The following NEMF variants were observed in gnomAD, a reference collection of about 807,000 sequenced individuals.
NEMF encodes the protein nuclear export mediator factor.
Under a neutral mutation model 162.2 loss-of-function variants are expected in NEMF, and 89 were observed. That is an observed-to-expected ratio of 0.55 (90% confidence interval 0.46 to 0.65). NEMF has a LOEUF of 0.65. Among genes scored for constraint, NEMF ranks in the 30% least tolerant of loss-of-function variants. The pLI is 0.00. For missense variants in NEMF, 1,133 were observed against 1,261.9 expected (o/e 0.90, Z 1.55); for synonymous variants, 421 against 404.5 (o/e 1.04, Z -0.49).
At chr14:49,799,824 A>G in intron 23 of NEMF, 146 bp from the exon 24 acceptor site, 1 of 658,940 alleles carries the variant, frequency 1.5e-6, no homozygotes, top group Non-Finnish European at 2.7e-6. Context: ...CATACAACCA[A>G]ATTGCTCCTC....
chr14:49,832,130 T>C lies in NEMF; in HGVS notation c.807-4A>G, dbSNP rs770604426. The stretch of plus-strand genomic sequence containing the variant: ...GAAAGGATGAAATTCCTCATACCTG[T>C]AAAACATATTTATTATATCACATTC... On this transcript the variant is annotated splice_region_variant and splice_polypyrimidine_tract_variant and intron_variant, in intron 9 of 32. Transcript: ENST00000298310. The C allele has an allele frequency of 6.2e-7, 1 of 1,602,466 alleles. No homozygotes were observed. Among genetic ancestry groups the C allele is most frequent in the South Asian group, 1.1e-5 (1 of 89,084 alleles).
Position 49,800,710 on chromosome 14 carries a change from A to G in NEMF, c.2096-14T>C, listed in dbSNP as rs779815485. ...TGTCACCTCCATCTGTAGAATTATC[A>G]TAAGGAAAGTCAGTGTGGGACTACC... is the stretch of plus-strand genomic sequence containing the variant. On this transcript the variant is annotated splice_polypyrimidine_tract_variant and intron_variant, in intron 22 of 32. Coordinates refer to ENST00000298310, the MANE Select transcript of NEMF (RefSeq NM_004713.6). 8 of 1,606,150 alleles carry G rather than the reference A, an allele frequency of 5.0e-6. No individual in the cohort carries two copies. In the Admixed American group the frequency reaches 5.0e-5, roughly 10 times the overall value.
intron 4 of NEMF, among the ~76,000 whole-genome samples, chr14:49,845,471 A>C (rs1259168211): frequency 1.3e-5 from 2 of 152,192 alleles, no homozygotes; most frequent in Non-Finnish European, 2.9e-5. Flanking sequence ...TAATAAATTA[A>C]CCTTTGCTTC....
intron 5 of NEMF, 87 bp from the exon 6 acceptor site, chr14:49,838,293 G>T: frequency 9.8e-7 from 1 of 1,015,240 alleles, no homozygotes; most frequent in Non-Finnish European, 1.5e-6. Context: ...ATCTGTATCA[G>T]TTCACCTGAT....
intron 3 of NEMF, among the ~76,000 whole-genome samples, chr14:49,847,963 C>T (rs185109581): frequency 6.1e-5 from 9 of 148,260 alleles, no homozygotes; most frequent in Admixed American, 5.5e-4. Context: ...ACCCAAGAGG[C>T]GGAGGTTACA....
intron 19 of NEMF, among the ~76,000 whole-genome samples, chr14:49,804,252 C>A (rs1891085595): frequency 6.6e-6 from 1 of 151,990 alleles, no homozygotes; most frequent in African/African-American, 2.4e-5. Context: ...GATCTGCCCA[C>A]CTTGGCCTTC....
At position 49,825,954 on chromosome 14, in the gene NEMF, G is replaced by T; in HGVS notation, c.1490C>A (p.Ala497Glu). The change falls in exon 16 of 33, where the codon GCA becomes GAA. Residue 497 changes from alanine (A) to glutamate (E), a missense_variant and splice_region_variant. By Grantham distance (107) the Ala-to-Glu change is moderately radical. Coordinates refer to ENST00000298310, the MANE Select transcript of NEMF (RefSeq NM_004713.6). ...TQKTVEAAEK[A>E]FKSAEKKTKQ... The stretch of plus-strand genomic sequence containing the variant: ...TGTTTTCTTTTCTGCTGACTTGAAT[G>T]CCTATTTATAGAAAAGAGTTTTAAA... 1 of 1,595,152 alleles carries T rather than the reference G, an allele frequency of 6.3e-7. No homozygotes were observed. Among genetic ancestry groups the T allele is most frequent in the Non-Finnish European group, 8.6e-7 (1 of 1,164,572 alleles).
intron 19 of NEMF, among the ~76,000 whole-genome samples, chr14:49,804,153 C>T (rs1009299921): frequency 1.3e-5 from 2 of 151,262 alleles, no homozygotes; most frequent in Non-Finnish European, 2.9e-5. Context: ...TACAGGTGCG[C>T]ACCACCACGC....
chr14:49,848,134 T>G (rs753376368), intron 3 of NEMF, among the ~76,000 whole-genome samples: 12 of 151,930 alleles, frequency 7.9e-5, no homozygotes, highest in Admixed American at 1.3e-4. Context: ...CCCAAGTAGC[T>G]AGGATTACAA....
intron 16 of NEMF, among the ~76,000 whole-genome samples, chr14:49,824,610 T>C (rs1239838399): frequency 2.6e-5 from 4 of 152,020 alleles, no homozygotes; most frequent in Non-Finnish European, 5.9e-5. Context: ...ATTTTTTTTT[T>C]TAAGAGACGG....
intron 19 of NEMF, among the ~76,000 whole-genome samples, chr14:49,803,568 C>A (rs1156919063): frequency 6.6e-6 from 1 of 151,548 alleles, no homozygotes. Context: ...CTCTGTTGCC[C>A]AAGCTGAAGT....
intron 17 of NEMF, 47 bp from the exon 18 acceptor site, chr14:49,814,097 CT>C (rs1566673761): frequency 9.1e-7 from 1 of 1,100,390 alleles, no homozygotes; most frequent in East Asian, 2.4e-5. Flanking sequence ...CCTAATTATT[CT>C]TTTTTCCTTT....
At chr14:49,799,421 A>C in intron 25 of NEMF, 54 bp downstream of exon 25, 1 of 1,458,354 alleles carries the variant, frequency 6.9e-7, no homozygotes, top group African/African-American at 1.4e-5. Flanking sequence ...TGAGCTATCA[A>C]TTAAAAAAAA....
At chr14:49,834,782 C>G (rs1892815752) in intron 6 of NEMF, among the ~76,000 whole-genome samples, 1 of 152,182 alleles carries the variant, frequency 6.6e-6, no homozygotes, top group African/African-American at 2.4e-5. Context: ...CATGACCTAG[C>G]CTAAAATTTA....
chr14:49,838,798 A>G (rs960713894), intron 5 of NEMF, among the ~76,000 whole-genome samples: 8 of 152,000 alleles, frequency 5.3e-5, no homozygotes, highest in Non-Finnish European at 1.0e-4. Flanking sequence ...GTTAGCCAGG[A>G]TGGTCTCAAT....
chr14:49,803,191 T>C (rs760119910), intron 20 of NEMF, 46 bp downstream of exon 20: 1 of 1,301,738 alleles, frequency 7.7e-7, no homozygotes, highest in Non-Finnish European at 1.1e-6. Flanking sequence ...CCTGTCTCCA[T>C]AATCCATTGA....
At chr14:49,808,797 A>G (rs1891339402) in intron 18 of NEMF, among the ~76,000 whole-genome samples, 1 of 151,916 alleles carries the variant, frequency 6.6e-6, no homozygotes, top group South Asian at 2.1e-4. Context: ...AAAGATTGTT[A>G]TCTAAAATAT....
chr14:49,785,568 T>C (rs1890132694), intron 29 of NEMF: 1 of 400,014 alleles, frequency 2.5e-6, no homozygotes, highest in South Asian at 2.5e-5. Context: ...ATTTTCAAAA[T>C]CCTACCTACA....
In NEMF at chr14:49,827,433, G is replaced by A. The variant is rs150411515; in HGVS notation, c.1488+858C>T. Among the ~76,000 whole-genome samples the A allele has an allele frequency of 3.2e-3, 486 of 151,562 alleles. 3 individuals carry two copies. Among genetic ancestry groups the A allele is most frequent in the Middle Eastern group, 0.017 (5 of 294 alleles). ...AACTCCTGGCTTCAAGCGATCCACC[G>A]GCCTCGGCCTTCCAAAGTGCTGGAA... On this transcript the variant is annotated intron_variant, in intron 15 of 32. Coordinates refer to ENST00000298310, the MANE Select transcript of NEMF (RefSeq NM_004713.6).
Sources: gnomAD v4.1 joint callset for allele counts (sites outside exome capture counted in the v4.1 genomes callset) on GRCh38, gnomAD v4.1.1 for gene constraint, MANE v1.5 for transcripts, NCBI Gene and HGNC (gene_info 2026-07-23, HGNC 2026-07-21) for gene names.